ANKRD52: variants seen among roughly 807,000 people sequenced by gnomAD.
The protein encoded by ANKRD52 is serine/threonine-protein phosphatase 6 regulatory ankyrin repeat subunit C.
ANKRD52 carries 7 observed loss-of-function variants against 116.0 expected under a neutral mutation model. That is an observed-to-expected ratio of 0.06 (90% CI 0.03 to 0.11). ANKRD52 has a LOEUF of 0.11. ANKRD52 is among the 10% of genes least tolerant of loss of function. The pLI, the probability that ANKRD52 is intolerant of heterozygous loss-of-function variation, is 1.00. For missense variants in ANKRD52, 839 were observed against 1,408.6 expected (o/e 0.60, Z 6.47); for synonymous variants, 528 against 578.1 (o/e 0.91, Z 1.24).
chr12:56,255,166 T>G lies in ANKRD52; in HGVS notation c.463-214A>C. ...ACTTTAAGGGAAACAAGAGAGTCTC[T>G]TCAGGTGATCTGGTGGTTCTTAAAC... On this transcript the variant is annotated intron_variant, in intron 5 of 27. Coordinates refer to ENST00000267116, the MANE Select transcript of ANKRD52 (RefSeq NM_173595.4). The surrounding 1 kb of genome is among the most constrained non-coding windows in gnomAD (Gnocchi z 4.3). 3.2e-5 allele frequency: 16 copies of G among 494,034 alleles called. No individual in the cohort carries two copies. The highest frequency in any genetic ancestry group is 4.0e-5 in the Non-Finnish European group (11 of 276,566). The allele number at this position is 494,034 out of a possible 1,614,324, so 30.6% of individuals were successfully genotyped here.
In ANKRD52 at chr12:56,255,024, T is replaced by C; in HGVS notation, c.463-72A>G. ...CTCAACCTACCTAAGAGCAGAGGCC[T>C]CATCTCCTGAAAAGGCTGAGGCAGC... On this transcript the variant is annotated intron_variant, in intron 5 of 27. Coordinates refer to ENST00000267116, the MANE Select transcript of ANKRD52 (RefSeq NM_173595.4). The surrounding 1 kb of genome is among the most constrained non-coding windows in gnomAD (Gnocchi z 4.3). The C allele has an allele frequency of 2.0e-6, 3 of 1,507,458 alleles. No individual in the cohort carries two copies. The highest frequency in any genetic ancestry group is 2.8e-6 in the Non-Finnish European group (3 of 1,089,666). The allele number at this position is 1,507,458 out of a possible 1,614,324, so 93.4% of individuals were successfully genotyped here. A position where few individuals can be genotyped will look rare whatever the true frequency, so the allele number is the denominator to read the frequency against.
At position 56,248,343 on chromosome 12, in the gene ANKRD52, G is replaced by A. The variant is rs1592390453; in HGVS notation, c.1777-119C>T. On this transcript the variant is annotated intron_variant, in intron 17 of 27. Coordinates refer to ENST00000267116, the MANE Select transcript of ANKRD52 (RefSeq NM_173595.4). The surrounding 1 kb of genome is among the most constrained non-coding windows in gnomAD (Gnocchi z 5.1). ...GGTCTTAGTCCTTGACAAGCTCCTTGGGCCCCTTAAGGCTTCCTACCCTGC... is the reference window on the plus strand; with the variant it reads ...GGTCTTAGTCCTTGACAAGCTCCTTAGGCCCCTTAAGGCTTCCTACCCTGC... The A allele has an allele frequency of 7.0e-7, 1 of 1,436,978 alleles. No individual in the cohort carries two copies. The highest frequency in any genetic ancestry group is 2.3e-5 in the East Asian group (1 of 43,452). The allele number at this position is 1,436,978 out of a possible 1,614,324, so 89.0% of individuals were successfully genotyped here.
rs998186293 is a variant in ANKRD52 at position 56,252,664 on chromosome 12, C to T, written c.1302-94G>A. 48 of 1,533,530 alleles carry T rather than the reference C, an allele frequency of 3.1e-5. No individual in the cohort carries two copies. The African/African-American group carries it at 4.2e-4, about 14-fold the overall frequency. The allele number at this position is 1,533,530 out of a possible 1,614,324, so 95.0% of individuals were successfully genotyped here. On this transcript the variant is annotated intron_variant, in intron 12 of 27. Coordinates refer to ENST00000267116, the MANE Select transcript of ANKRD52 (RefSeq NM_173595.4). This position sits in a 1 kb window ranked among gnomAD's most constrained non-coding sequence, Gnocchi z 4.7. ...GAAGGATGGGACTAGCAAGCCCTTT[C>T]TGCTGTGACTGCTTTCATTGTGAGA...
chr12:56,252,829 T>C lies in ANKRD52; in HGVS notation c.1252A>G (p.Thr418Ala), dbSNP rs1430436903. Residue 418 changes from threonine (T) to alanine (A), a missense_variant, in exon 12 of 28, where the codon ACA becomes GCA. This residue lies in a region of ANKRD52 where 287 missense variants were observed against 598.1 expected (regional missense o/e 0.48). Coordinates refer to ENST00000267116, the MANE Select transcript of ANKRD52 (RefSeq NM_173595.4). This position sits in a 1 kb window ranked among gnomAD's most constrained non-coding sequence, Gnocchi z 4.7. ...CAGGTACGGCCAAGGTTGTCAGGTG[T>C]ATTGATGTCAAACCCAGCTGAAAGC... ...HVLSAGFDIN[T>A]PDNLGRTCLH... The C allele has an allele frequency of 6.2e-7, 1 of 1,613,954 alleles. No individual in the cohort carries two copies.
Position 56,254,198 on chromosome 12 carries a change from C to T in ANKRD52, c.775G>A (p.Val259Met). ...TGGTTGACATTGGCTCCGGCATTCA[C>T]CAGCTCAATAGCCACAGCATCCTGG... ...LGQDAVAIEL[V>M]NAGANVNQPN... The change falls in exon 8 of 28, where the codon GTG becomes ATG. Residue 259 changes from valine to methionine, a missense_variant. Physicochemically the swap from Val to Met is conservative, Grantham distance 21. Coordinates refer to ENST00000267116, the MANE Select transcript of ANKRD52 (RefSeq NM_173595.4). This position sits in a 1 kb window ranked among gnomAD's most constrained non-coding sequence, Gnocchi z 4.6. The T allele has an allele frequency of 6.2e-7, 1 of 1,613,968 alleles. No individual in the cohort carries two copies. Among genetic ancestry groups the T allele is most frequent in the Non-Finnish European group, 8.5e-7 (1 of 1,179,900 alleles).
In ANKRD52 at chr12:56,252,955, G is replaced by A; in HGVS notation, c.1183+49C>T. The A allele has an allele frequency of 6.3e-7, 1 of 1,593,350 alleles. No individual in the cohort carries two copies. Among genetic ancestry groups the A allele is most frequent in the Non-Finnish European group, 8.6e-7 (1 of 1,169,300 alleles). On this transcript the variant is annotated intron_variant, in intron 11 of 27. Transcript: ENST00000267116. The surrounding 1 kb of genome is among the most constrained non-coding windows in gnomAD (Gnocchi z 4.7). ...GAGAGTGTTCAGCAGGGAGGGAAAG[G>A]CCTTTGCTCTCCTATACACCTGCCA...
At position 56,255,909 on chromosome 12, in the gene ANKRD52, C is replaced by T. The variant is rs1871931544; in HGVS notation, c.337G>A (p.Val113Met). The change falls in exon 5 of 28, where the codon GTG becomes ATG. Residue 113 changes from valine (V) to methionine (M), a missense_variant. By Grantham distance (21) the Val-to-Met change is conservative. This residue lies in a region of ANKRD52 where 287 missense variants were observed against 598.1 expected (regional missense o/e 0.48). Transcript: ENST00000267116. The surrounding 1 kb of genome is among the most constrained non-coding windows in gnomAD (Gnocchi z 4.3). The stretch of plus-strand genomic sequence containing the variant: ...TTGGTGGCCCGGTTGGCAGCAGCCA[C>T]ATGCAGTGGTGTCTGCCACAGCTTG... ...RDKLWQTPLHVAAANRATKCA... is the reference protein window; with the variant it reads ...RDKLWQTPLHMAAANRATKCA... The T allele has an allele frequency of 6.4e-7, 1 of 1,573,224 alleles. No homozygotes were observed. Among genetic ancestry groups the T allele is most frequent in the South Asian group, 1.2e-5 (1 of 86,274 alleles).
In ANKRD52 at chr12:56,243,744, C is replaced by T. The variant is rs1448386827; in HGVS notation, c.2980+41G>A. ...TCACCTCCTGAAGAATGTCCCTGACCCCAAACCCAAGAGAGGCATGGGGCC... is the reference window on the plus strand; with the variant it reads ...TCACCTCCTGAAGAATGTCCCTGACTCCAAACCCAAGAGAGGCATGGGGCC... On this transcript the variant is annotated intron_variant, in intron 27 of 27. Transcript: ENST00000267116. This position sits in a 1 kb window ranked among gnomAD's most constrained non-coding sequence, Gnocchi z 4.6. 2 of 1,536,076 alleles carry T rather than the reference C, an allele frequency of 1.3e-6. No individual in the cohort carries two copies. The highest frequency in any genetic ancestry group is 1.8e-6 in the Non-Finnish European group (2 of 1,133,682).
intron 15 of ANKRD52, among the ~76,000 whole-genome samples, chr12:56,251,738 C>CAAAAAAAAAAAAAAAAAAAAA (rs11286294): frequency 1.2e-5 from 1 of 83,590 alleles, no homozygotes; most frequent in East Asian, 3.6e-4. Context: ...ACTCTGTCTC[C>CAAAAAAAAAAAAAAAAAAAAA]AAAAAAAAAA....
intron 2 of ANKRD52, 83 bp downstream of exon 2, chr12:56,257,745 C>G: frequency 7.3e-7 from 1 of 1,378,642 alleles, no homozygotes; most frequent in Non-Finnish European, 1.0e-6. Context: ...AGAGGAGACA[C>G]GGAGCCGCCC....
chr12:56,253,994 T>C lies in ANKRD52; in HGVS notation c.906+73A>G. The C allele has an allele frequency of 3.4e-6, 5 of 1,477,674 alleles. No individual in the cohort carries two copies. The highest frequency in any genetic ancestry group is 1.8e-5 in the Admixed American group (1 of 54,452). 91.5% of individuals were successfully genotyped at this position (1,477,674 alleles called of 1,614,324 possible). A position where few individuals can be genotyped will look rare whatever the true frequency, so the allele number is the denominator to read the frequency against. The stretch of plus-strand genomic sequence containing the variant: ...CAAGTGGATAATTCCCCAAGAGAGC[T>C]ATCCAGATACAGTCAGGACCCCTAG... On this transcript the variant is annotated intron_variant, in intron 8 of 27. Coordinates refer to ENST00000267116, the MANE Select transcript of ANKRD52 (RefSeq NM_173595.4). The surrounding 1 kb of genome is among the most constrained non-coding windows in gnomAD (Gnocchi z 5.5).
chr12:56,243,740 T>C lies in ANKRD52; in HGVS notation c.2980+45A>G, dbSNP rs1329106426. 4 of 1,526,190 alleles carry C rather than the reference T, an allele frequency of 2.6e-6. No individual in the cohort carries two copies. Among genetic ancestry groups the C allele is most frequent in the South Asian group, 2.4e-5 (2 of 83,366 alleles). The allele number at this position is 1,526,190 out of a possible 1,614,324, so 94.5% of individuals were successfully genotyped here. A position where few individuals can be genotyped will look rare whatever the true frequency, so the allele number is the denominator to read the frequency against. ...GAAGTCACCTCCTGAAGAATGTCCC[T>C]GACCCCAAACCCAAGAGAGGCATGG... is the stretch of plus-strand genomic sequence containing the variant. On this transcript the variant is annotated intron_variant, in intron 27 of 27. Transcript: ENST00000267116. The surrounding 1 kb of genome is among the most constrained non-coding windows in gnomAD (Gnocchi z 4.6).
intron 3 of ANKRD52, 66 bp from the exon 4 acceptor site, chr12:56,257,151 A>G (rs1871992727): frequency 6.4e-7 from 1 of 1,573,162 alleles, no homozygotes; most frequent in Non-Finnish European, 8.7e-7. Flanking sequence ...GCCAGTAATC[A>G]GGCCAGGAAA....
At position 56,248,180 on chromosome 12, in the gene ANKRD52, C is replaced by A. The variant is rs199899195; in HGVS notation, c.1821G>T (p.Thr607=). The A allele has an allele frequency of 2.2e-5, 36 of 1,613,826 alleles. No homozygotes were observed. The highest frequency in any genetic ancestry group is 2.9e-5 in the Non-Finnish European group (34 of 1,179,902). The change falls in exon 18 of 28, where the codon ACG becomes ACT. Residue 607 remains threonine, a synonymous_variant. Transcript: ENST00000267116. The surrounding 1 kb of genome is among the most constrained non-coding windows in gnomAD (Gnocchi z 5.1). ...GGTCCCTTACGTCCAGATTCACCAG[C>A]GTCTCCGCCAGCGTCTTCAAGGCTT... ...HCEALKTLAE[T]LVNLDVRDHK... is the part of the protein sequence containing the mutation.
chr12:56,245,664 T>G, intron 20 of ANKRD52, 68 bp from the exon 21 acceptor site: 1 of 1,469,940 alleles, frequency 6.8e-7, no homozygotes, highest in Non-Finnish European at 9.2e-7. Flanking sequence ...GTTGCTGGAG[T>G]CTGGCTCAGG....
Position 56,242,810 on chromosome 12 carries a change from AAG to A in ANKRD52, c.*330_*331del. The A allele has an allele frequency of 3.3e-6, 1 of 301,948 alleles. No individual in the cohort carries two copies. Among genetic ancestry groups the A allele is most frequent in the Admixed American group, 4.6e-5 (1 of 21,922 alleles). The allele number at this position is 301,948 out of a possible 1,614,324, so 18.7% of individuals were successfully genotyped here. A position where few individuals can be genotyped will look rare whatever the true frequency, so the allele number is the denominator to read the frequency against. ...GGGACACAGAGAGGAGTCCCCAGGG[AAG>A]AGTCGGGGGAGCTGGCAGCAGAAAG... On this transcript the variant is annotated 3_prime_UTR_variant, in exon 28 of 28. Coordinates refer to ENST00000267116, the MANE Select transcript of ANKRD52 (RefSeq NM_173595.4). The surrounding 1 kb of genome is among the most constrained non-coding windows in gnomAD (Gnocchi z 4.3).
Position 56,243,973 on chromosome 12 carries a change from A to C in ANKRD52, c.2888+78T>G. 1 of 1,603,508 alleles carries C rather than the reference A, an allele frequency of 6.2e-7. No homozygotes were observed. Among genetic ancestry groups the C allele is most frequent in the Non-Finnish European group, 8.5e-7 (1 of 1,172,644 alleles). On this transcript the variant is annotated intron_variant, in intron 26 of 27. Coordinates refer to ENST00000267116, the MANE Select transcript of ANKRD52 (RefSeq NM_173595.4). This position sits in a 1 kb window ranked among gnomAD's most constrained non-coding sequence, Gnocchi z 4.6. ...GCTGAACAAATACAATGGGCTCCAG[A>C]GAGCCTCTGAACAGCGGCCACTCTT...
intron 15 of ANKRD52, among the ~76,000 whole-genome samples, chr12:56,251,644 C>T (rs1283279867): frequency 6.7e-6 from 1 of 150,034 alleles, no homozygotes; most frequent in African/African-American, 2.5e-5. Flanking sequence ...GTACATTTAG[C>T]TTTTCTAATC....
At position 56,244,250 on chromosome 12, in the gene ANKRD52, G is replaced by T; in HGVS notation, c.2805+103C>A. 6.6e-7 allele frequency: 1 copy of T among 1,525,958 alleles called. No homozygotes were observed. The allele number at this position is 1,525,958 out of a possible 1,614,324, so 94.5% of individuals were successfully genotyped here. A position where few individuals can be genotyped will look rare whatever the true frequency, so the allele number is the denominator to read the frequency against. ...AGCTGCCCAACCAGTCGGATAGGCT[G>T]GACAATCCTCACTTCTGCCCCAGTC... On this transcript the variant is annotated intron_variant, in intron 25 of 27. Transcript: ENST00000267116. This position sits in a 1 kb window ranked among gnomAD's most constrained non-coding sequence, Gnocchi z 4.9.
Sources: allele counts gnomAD v4.1 joint callset (sites outside exome capture counted in the v4.1 genomes callset), GRCh38; gene constraint gnomAD v4.1.1; regional missense constraint gnomAD v4.1.1; non-coding constraint Gnocchi (gnomAD v3.1); transcripts MANE v1.5; gene names NCBI Gene and HGNC (gene_info 2026-07-23, HGNC 2026-07-21).